The following WDR64 variants were observed in gnomAD, a reference collection of about 807,000 sequenced individuals.
WDR64 encodes WD repeat-containing protein 64.
A neutral mutation model predicts 139.3 loss-of-function variants in WDR64; 112 were observed. The observed-to-expected ratio is 0.80, with a 90% CI of 0.69 to 0.94. The LOEUF is 0.94. Ranked by LOEUF, WDR64 falls within the 40% of genes least tolerant of loss-of-function variation. The pLI, the probability that WDR64 is intolerant of heterozygous loss-of-function variation, is 0.00. For synonymous variants in WDR64, 444 were observed against 437.7 expected (o/e 1.01, Z -0.18); for missense variants, 1,206 against 1,293.1 (o/e 0.93, Z 1.03).
At chr1:241,663,939 T>C (rs1022438611) in intron 2 of WDR64, among the ~76,000 whole-genome samples, 2 of 152,344 alleles carry the variant, frequency 1.3e-5, no homozygotes, top group Non-Finnish European at 1.5e-5. Context: ...TTTTTGTTTT[T>C]GTTTTTTTTT....
intron 14 of WDR64, among the ~76,000 whole-genome samples, chr1:241,750,786 T>C (rs1471462569): frequency 6.6e-6 from 1 of 152,222 alleles, no homozygotes; most frequent in East Asian, 1.9e-4. Context: ...ACCTCTCTTA[T>C]TTATATTTGT....
intron 20 of WDR64, among the ~76,000 whole-genome samples, chr1:241,774,848 T>C (rs1658589568): frequency 6.6e-6 from 1 of 152,206 alleles, no homozygotes; most frequent in South Asian, 2.1e-4. Flanking sequence ...ATCCCAAGTG[T>C]AGAACAGTAT....
rs888867894 is a variant in WDR64 at position 241,779,671 on chromosome 1, CA to C, written c.2537-324del. 6.6e-5 allele frequency among the ~76,000 whole-genome samples: 10 copies of C among 150,844 alleles called. No individual in the cohort carries two copies. In the Middle Eastern group the frequency reaches 0.014, roughly 205 times the overall value. Reference sequence around the variant, plus strand: ...TGAAACCCTGTCTCTACTAAAAATACAAAAAAAAATTAGCCGGGCGTGGTGG... The same window carrying C: ...TGAAACCCTGTCTCTACTAAAAATACAAAAAAAATTAGCCGGGCGTGGTGG... On this transcript the variant is annotated intron_variant, in intron 21 of 27. Transcript: ENST00000437684.
chr1:241,691,690 T>C (rs1667296904), intron 8 of WDR64, among the ~76,000 whole-genome samples: 1 of 152,206 alleles, frequency 6.6e-6, no homozygotes, highest in African/African-American at 2.4e-5. Flanking sequence ...AACTTTCCTA[T>C]ATCCTAACAA....
At chr1:241,689,453 A>G (rs1667130385) in intron 8 of WDR64, among the ~76,000 whole-genome samples, 1 of 152,224 alleles carries the variant, frequency 6.6e-6, no homozygotes, top group Non-Finnish European at 1.5e-5. Flanking sequence ...CTAGTTTTAT[A>G]TAGAACAGAT....
intron 15 of WDR64, among the ~76,000 whole-genome samples, chr1:241,761,632 G>A (rs952966046): frequency 6.6e-6 from 1 of 151,456 alleles, no homozygotes; most frequent in Non-Finnish European, 1.5e-5. Flanking sequence ...AAAATTTCTC[G>A]GTAGCATGTG....
chr1:241,777,566 T>C (rs537344844), intron 21 of WDR64, among the ~76,000 whole-genome samples: 41 of 144,986 alleles, frequency 2.8e-4, no homozygotes, highest in Non-Finnish European at 4.9e-4. Flanking sequence ...TACAGGCACC[T>C]GACACCACGG....
intron 13 of WDR64, among the ~76,000 whole-genome samples, chr1:241,745,361 G>A (rs923188159): frequency 3.0e-5 from 4 of 132,834 alleles, no homozygotes; most frequent in Non-Finnish European, 5.1e-5. Context: ...TGCCCTTCAC[G>A]TGGATCGGTT....
intron 8 of WDR64, among the ~76,000 whole-genome samples, chr1:241,696,901 C>G (rs1667513680): frequency 6.6e-6 from 1 of 152,172 alleles, no homozygotes; most frequent in Non-Finnish European, 1.5e-5. Flanking sequence ...AGGACTCAGC[C>G]TTATTTTACC....
At chr1:241,730,821 CA>C (rs2148218075) in intron 10 of WDR64, among the ~76,000 whole-genome samples, 1 of 152,244 alleles carries the variant, frequency 6.6e-6, no homozygotes, top group African/African-American at 2.4e-5. Flanking sequence ...ATAGCTGCCC[CA>C]AATCTTTGAT....
chr1:241,771,610 AT>A, intron 18 of WDR64, 50 bp from the exon 19 acceptor site: 1 of 1,388,592 alleles, frequency 7.2e-7, no homozygotes, highest in Admixed American at 2.7e-5. Flanking sequence ...AGTATATCTC[AT>A]TTTCTTACAA....
rs1397067027 is a variant in WDR64, at chr1:241,674,950, T to G, written c.483+203T>G. 3.7e-4 allele frequency among the ~76,000 whole-genome samples: 11 copies of G among 29,946 alleles called. 2 individuals are homozygous for G. The highest frequency in any genetic ancestry group is 6.7e-4 in the African/African-American group (7 of 10,460). The allele number at this position is 29,946 out of a possible 152,430, so 19.6% of individuals were successfully genotyped here. A position where few individuals can be genotyped will look rare whatever the true frequency, so the allele number is the denominator to read the frequency against. On this transcript the variant is annotated intron_variant, in intron 4 of 27. Transcript: ENST00000437684. ...TTTCCTTCCTCCCTCCCTCCTTCCT[T>G]CCTCTCTCCTCCCTTCTTTTTCTTT...
At chr1:241,728,970 G>T (rs1033461839) in intron 10 of WDR64, among the ~76,000 whole-genome samples, 2 of 152,126 alleles carry the variant, frequency 1.3e-5, no homozygotes, top group African/African-American at 4.8e-5. Context: ...TGACTAGATT[G>T]TGAGTGTGCA....
intron 21 of WDR64, among the ~76,000 whole-genome samples, chr1:241,777,771 G>A (rs1658712910): frequency 6.6e-6 from 1 of 152,008 alleles, no homozygotes. Context: ...TTTATTCTTT[G>A]ACCCAAAGAA....
At chr1:241,795,101 T>G in intron 25 of WDR64, 106 bp from the exon 26 acceptor site, 1 of 925,056 alleles carries the variant, frequency 1.1e-6, no homozygotes, top group East Asian at 2.5e-5. Flanking sequence ...GGAAGTCCCT[T>G]AAGATCACAC....
At chr1:241,676,155 G>A (rs1175665683) in intron 4 of WDR64, 1 of 152,198 alleles carries the variant, frequency 6.6e-6, no homozygotes, top group Non-Finnish European at 1.5e-5. Flanking sequence ...GTCAGAGGAG[G>A]GGGCTGTGTG....
chr1:241,654,807 G>C (rs958988251), intron 1 of WDR64, among the ~76,000 whole-genome samples: 1 of 152,114 alleles, frequency 6.6e-6, no homozygotes. Flanking sequence ...TACAAACTTT[G>C]TTTCATGCAC....
intron 10 of WDR64, among the ~76,000 whole-genome samples, chr1:241,733,573 T>C (rs1025734470): frequency 1.3e-5 from 2 of 151,328 alleles, no homozygotes; most frequent in Non-Finnish European, 1.5e-5. Context: ...TTTATATGCA[T>C]ATAATTCATA....
rs536695011 is a variant in WDR64, at chr1:241,672,741, G to A, written c.379+1565G>A. ...GTGGTTTGAGGATGGGAGCATGGTG[G>A]TTGATGGGGTGGTCAGGGAAGTCCC... On this transcript the variant is annotated intron_variant, in intron 3 of 27. Coordinates refer to ENST00000437684, the MANE Select transcript of WDR64 (RefSeq NM_001367482.1). Among the ~76,000 whole-genome samples, 4 of 152,342 alleles carry A rather than the reference G, an allele frequency of 2.6e-5. No homozygotes were observed. The South Asian group carries it at 8.3e-4, about 32-fold the overall frequency.
Sources: gnomAD v4.1 joint callset for allele counts (sites outside exome capture counted in the v4.1 genomes callset) on GRCh38, gnomAD v4.1.1 for gene constraint, MANE v1.5 for transcripts, NCBI Gene and HGNC (gene_info 2026-07-23, HGNC 2026-07-21) for gene names.